Variants in TTC28 observed in about 807,000 individuals in gnomAD.
The protein encoded by TTC28 is tetratricopeptide repeat domain 28, also known as tetratricopeptide repeat protein 28.
In TTC28, 61 loss-of-function variants were observed where a neutral mutation model predicts 198.0. The observed-to-expected ratio is 0.31, with a 90% CI of 0.25 to 0.38. The LOEUF (loss-of-function observed/expected upper bound fraction) is 0.38, where lower values mean the gene tolerates loss of function less well. TTC28 is among the 10% of genes least tolerant of loss of function. The pLI is 1.00. For synonymous variants in TTC28, 1,171 were observed against 1,297.8 expected, an observed-to-expected ratio of 0.90 and a Z score of 2.10; for missense variants, 2,678 against 3,164.0, an observed-to-expected ratio of 0.85 and a Z score of 3.69.
At chr22:28,313,480 C>T (rs2045301325) in intron 2 of TTC28, among the ~76,000 whole-genome samples, 2 of 152,080 alleles carry the variant, frequency 1.3e-5, no homozygotes, top group South Asian at 4.1e-4. Context: ...ACTGGCAAAC[C>T]GAATCCAGCA....
At chr22:28,406,314 T>C (rs191059721) in intron 2 of TTC28, among the ~76,000 whole-genome samples, 130 of 152,366 alleles carry the variant, frequency 8.5e-4, no homozygotes, top group African/African-American at 3.0e-3. Context: ...CACACACTTA[T>C]CTTATTAACG....
At chr22:28,031,176 G>A (rs976326865) in intron 12 of TTC28, among the ~76,000 whole-genome samples, 17 of 152,174 alleles carry the variant, frequency 1.1e-4, no homozygotes, top group Non-Finnish European at 2.1e-4. Flanking sequence ...ATGACACACG[G>A]ACAGCCAGGC....
chr22:28,494,607 G>A (rs559715965), intron 2 of TTC28, among the ~76,000 whole-genome samples: 22 of 152,104 alleles, frequency 1.4e-4, no homozygotes, highest in South Asian at 4.2e-4. Context: ...CCTTCCCCTC[G>A]TGCCCTTTTT....
chr22:28,102,245 T>A (rs993547717), intron 8 of TTC28, among the ~76,000 whole-genome samples: 1 of 152,236 alleles, frequency 6.6e-6, no homozygotes, highest in South Asian at 2.1e-4. Flanking sequence ...CTGCCTTCTG[T>A]TACTGATGTT....
At chr22:28,134,404 C>A (rs1943147803) in intron 6 of TTC28, among the ~76,000 whole-genome samples, 1 of 152,166 alleles carries the variant, frequency 6.6e-6, no homozygotes. Context: ...GACAATCAAA[C>A]TTCTCCGAAC....
chr22:28,634,667 C>T (rs1221713497), intron 1 of TTC28, among the ~76,000 whole-genome samples: 1 of 150,260 alleles, frequency 6.7e-6, no homozygotes, highest in East Asian at 2.0e-4. Flanking sequence ...CTCACTGCAA[C>T]CTTCGCCTCC....
In TTC28 at chr22:27,989,943, A is replaced by G; in HGVS notation, c.5642T>C (p.Ile1881Thr). The change falls in exon 21 of 23, where the codon ATT becomes ACT. Residue 1881 changes from isoleucine to threonine, a missense_variant. Ile to Thr is a moderately conservative substitution (Grantham distance 89). Coordinates refer to ENST00000397906, the MANE Select transcript of TTC28 (RefSeq NM_001145418.2). The stretch of plus-strand genomic sequence containing the variant: ...CAGCTGGACGCTGATGGAGACCTGA[A>G]TGGGAGCTGATGCCAAGTCCTGCTC... ...EKEQDLASAP[I>T]QVSISVQLWR... 6.4e-7 allele frequency: 1 copy of G among 1,551,344 alleles called. No homozygotes were observed. Among genetic ancestry groups the G allele is most frequent in the Non-Finnish European group, 8.7e-7 (1 of 1,146,932 alleles).
In TTC28 at chr22:28,561,166, C is replaced by A. The variant is rs534999451; in HGVS notation, c.381+68386G>T. Among the ~76,000 whole-genome samples, 15 of 148,070 alleles carry A rather than the reference C, an allele frequency of 1.0e-4. No individual in the cohort carries two copies. In the South Asian group the frequency reaches 3.3e-3, roughly 32 times the overall value. ...TAGGCTCACTGCAAGCTCCGCCTCCCGGGTTCATGCCATTCTCCTGCCTCA... is the reference window on the plus strand; with the variant it reads ...TAGGCTCACTGCAAGCTCCGCCTCCAGGGTTCATGCCATTCTCCTGCCTCA... On this transcript the variant is annotated intron_variant, in intron 2 of 22. Coordinates refer to ENST00000397906, the MANE Select transcript of TTC28 (RefSeq NM_001145418.2).
At chr22:28,255,476 G>A (rs1003065220) in intron 5 of TTC28, among the ~76,000 whole-genome samples, 5 of 152,086 alleles carry the variant, frequency 3.3e-5, no homozygotes, top group African/African-American at 1.2e-4. Flanking sequence ...GAGGTCAGGA[G>A]TTCAAGACCA....
At chr22:28,463,944 T>C (rs2047984668) in intron 2 of TTC28, among the ~76,000 whole-genome samples, 2 of 151,534 alleles carry the variant, frequency 1.3e-5, no homozygotes, top group Admixed American at 1.3e-4. Context: ...AAATAAAAAT[T>C]AAAATAAAAG....
chr22:28,018,888 C>A (rs541645826), intron 13 of TTC28, among the ~76,000 whole-genome samples: 1 of 152,222 alleles, frequency 6.6e-6, no homozygotes, highest in Non-Finnish European at 1.5e-5. Flanking sequence ...GGTTTCCTTG[C>A]CTCCACCATC....
chr22:28,009,674 C>T (rs560869083), intron 14 of TTC28, among the ~76,000 whole-genome samples: 7 of 152,368 alleles, frequency 4.6e-5, no homozygotes, highest in Admixed American at 3.9e-4. Flanking sequence ...CCACCGGCCT[C>T]GGGTGCTGGC....
rs1429316786 is a variant in TTC28, at chr22:27,983,034, G to A, written c.6633C>T (p.Thr2211=). The A allele has an allele frequency of 1.9e-6, 3 of 1,551,722 alleles. No homozygotes were observed. Among genetic ancestry groups the A allele is most frequent in the Non-Finnish European group, 2.6e-6 (3 of 1,147,004 alleles). Residue 2211 remains threonine (T), a synonymous_variant, in exon 23 of 23, where the codon ACC becomes ACT. Coordinates refer to ENST00000397906, the MANE Select transcript of TTC28 (RefSeq NM_001145418.2). ...AGAGAACAGGCCTGCTGAACGCACT[G>A]GTTTCTGACGCTCTGAAGACAGCAG... ...SSTAVFRASE[T]SAFSRPVLSH...
At chr22:28,058,446 A>G (rs116516082) in intron 12 of TTC28, among the ~76,000 whole-genome samples, 1,623 of 152,222 alleles carry the variant, frequency 0.011, 31 homozygotes, top group African/African-American at 0.036. Flanking sequence ...AAAGTATACT[A>G]ACTGATTTTT....
chr22:28,320,322 G>A (rs1318764043), intron 2 of TTC28, among the ~76,000 whole-genome samples: 2 of 150,954 alleles, frequency 1.3e-5, no homozygotes, highest in African/African-American at 4.9e-5. Context: ...ATAGAATGAA[G>A]GCACAAGATA....
At chr22:28,147,404 T>C (rs978676180) in intron 6 of TTC28, among the ~76,000 whole-genome samples, 6 of 152,110 alleles carry the variant, frequency 3.9e-5, no homozygotes, top group Non-Finnish European at 7.4e-5. Context: ...CGTTATGAAA[T>C]AGGGATGAGT....
At chr22:28,166,655 T>C (rs1014132738) in intron 5 of TTC28, among the ~76,000 whole-genome samples, 3 of 152,182 alleles carry the variant, frequency 2.0e-5, no homozygotes, top group African/African-American at 7.2e-5. Flanking sequence ...CCAGAATCTC[T>C]GGGACACATT....
At chr22:28,130,186 CT>C (rs200071856) in intron 6 of TTC28, among the ~76,000 whole-genome samples, 1 of 151,856 alleles carries the variant, frequency 6.6e-6, no homozygotes, top group Admixed American at 6.6e-5. Flanking sequence ...TTTCCTTTCT[CT>C]TTTTTTTGCC....
chr22:28,490,856 A>T (rs2048367264), intron 2 of TTC28, among the ~76,000 whole-genome samples: 1 of 152,194 alleles, frequency 6.6e-6, no homozygotes. Flanking sequence ...ATTCCACAAT[A>T]GATAGAAGTC....
Sources: gnomAD v4.1 joint callset for allele counts (sites outside exome capture counted in the v4.1 genomes callset) on GRCh38, gnomAD v4.1.1 for gene constraint, MANE v1.5 for transcripts, NCBI Gene and HGNC (gene_info 2026-07-23, HGNC 2026-07-21) for gene names.